Variants in COG5 observed in about 807,000 individuals in gnomAD.
COG5 encodes the protein conserved oligomeric Golgi complex subunit 5.
Under a neutral mutation model 110.4 loss-of-function variants are expected in COG5, and 86 were observed. That is an observed-to-expected ratio of 0.78 (90% CI 0.65 to 0.93). COG5 has a LOEUF of 0.93. COG5 is among the 40% of genes least tolerant of loss of function. COG5 has a pLI of 0.00. For synonymous variants in COG5, 360 were observed against 334.6 expected, an observed-to-expected ratio of 1.08 and a Z score of -0.83; for missense variants, 1,077 against 987.0, an observed-to-expected ratio of 1.09 and a Z score of -1.22.
At chr7:107,490,265 A>G (rs1312410113) in intron 6 of COG5, among the ~76,000 whole-genome samples, 1 of 152,114 alleles carries the variant, frequency 6.6e-6, no homozygotes, top group South Asian at 2.1e-4. Context: ...CTTGAGCTCA[A>G]GAGAGCCTCC....
At chr7:107,434,339 A>T (rs1221974496) in intron 6 of COG5, among the ~76,000 whole-genome samples, 1 of 152,226 alleles carries the variant, frequency 6.6e-6, no homozygotes, top group Admixed American at 6.5e-5. Context: ...AAAAAAATGG[A>T]AAACAAGATC....
chr7:107,249,388 T>C (rs904186511), intron 16 of COG5, among the ~76,000 whole-genome samples: 2 of 152,140 alleles, frequency 1.3e-5, no homozygotes, highest in Non-Finnish European at 2.9e-5. Flanking sequence ...AAAATGTTGA[T>C]AGTGCCATGG....
At chr7:107,554,190 A>C (rs1272933000) in intron 3 of COG5, 95 bp downstream of exon 3, 1 of 1,045,654 alleles carries the variant, frequency 9.6e-7, no homozygotes, top group Non-Finnish European at 1.5e-6. Flanking sequence ...TATGGCTGGC[A>C]AAGTCTAAAA....
intron 11 of COG5, among the ~76,000 whole-genome samples, chr7:107,308,851 T>G (rs1807959033): frequency 2.6e-5 from 4 of 151,244 alleles, no homozygotes; most frequent in Admixed American, 2.0e-4. Context: ...CCATCTTTGG[T>G]AGATGGTCTA....
At chr7:107,520,871 A>G (rs1026138462) in intron 6 of COG5, among the ~76,000 whole-genome samples, 2 of 152,228 alleles carry the variant, frequency 1.3e-5, no homozygotes, top group African/African-American at 4.8e-5. Context: ...AACTGGAGGC[A>G]TCATGAGATC....
chr7:107,353,918 C>T (rs1396073388), intron 10 of COG5, among the ~76,000 whole-genome samples: 1 of 152,130 alleles, frequency 6.6e-6, no homozygotes, highest in Non-Finnish European at 1.5e-5. Flanking sequence ...CACTAATCTA[C>T]ACAGTTGTCT....
chr7:107,336,977 A>G (rs1223001127), intron 10 of COG5, among the ~76,000 whole-genome samples: 1 of 152,184 alleles, frequency 6.6e-6, no homozygotes, highest in African/African-American at 2.4e-5. Context: ...CCCATTAAAA[A>G]GTGGGCAAAG....
chr7:107,421,379 C>G (rs750808775), intron 6 of COG5, among the ~76,000 whole-genome samples: 1 of 152,134 alleles, frequency 6.6e-6, no homozygotes, highest in Non-Finnish European at 1.5e-5. Flanking sequence ...ACAGAGCACT[C>G]CACCAAGCAA....
chr7:107,413,317 TTCA>T (rs1225873444), intron 6 of COG5, among the ~76,000 whole-genome samples: 2 of 151,922 alleles, frequency 1.3e-5, no homozygotes, highest in African/African-American at 4.8e-5. Context: ...AAAAGTGGCC[TTCA>T]TCATATTATA....
At chr7:107,546,258 CA>C (rs1366177507) in intron 5 of COG5, among the ~76,000 whole-genome samples, 2 of 151,892 alleles carry the variant, frequency 1.3e-5, no homozygotes, top group Non-Finnish European at 1.5e-5. Flanking sequence ...ATGTCTACAT[CA>C]AAAAAGATTT....
At chr7:107,550,826 A>G (rs1335355398) in intron 3 of COG5, among the ~76,000 whole-genome samples, 1 of 147,252 alleles carries the variant, frequency 6.8e-6, no homozygotes, top group East Asian at 2.1e-4. Flanking sequence ...ATGCCTCAGC[A>G]TTCCAAGTAG....
At chr7:107,416,224 AC>A (rs1380307709) in intron 6 of COG5, among the ~76,000 whole-genome samples, 4 of 152,070 alleles carry the variant, frequency 2.6e-5, no homozygotes, top group African/African-American at 9.6e-5. Context: ...ACTGTTAAAA[AC>A]AAAGCTGAAA....
At chr7:107,458,045 T>C (rs957386431) in intron 6 of COG5, among the ~76,000 whole-genome samples, 1 of 152,076 alleles carries the variant, frequency 6.6e-6, no homozygotes, top group African/African-American at 2.4e-5. Context: ...AAGATAAGAA[T>C]GATCACAGAC....
At chr7:107,414,958 C>T (rs60915862) in intron 6 of COG5, among the ~76,000 whole-genome samples, 3,601 of 151,852 alleles carry the variant, frequency 0.024, 146 homozygotes, top group African/African-American at 0.081. Flanking sequence ...GATCTCCTGA[C>T]CTTGTGATCC....
intron 6 of COG5, among the ~76,000 whole-genome samples, chr7:107,511,597 G>C (rs1020935540): frequency 6.6e-6 from 1 of 152,174 alleles, no homozygotes; most frequent in Non-Finnish European, 1.5e-5. Context: ...AACAAAAAAA[G>C]AGAGTTTTAG....
chr7:107,398,786 A>G (rs1791207135), intron 7 of COG5, among the ~76,000 whole-genome samples: 1 of 152,244 alleles, frequency 6.6e-6, no homozygotes, highest in Non-Finnish European at 1.5e-5. Context: ...TATCAAAATT[A>G]GTAATTGCCT....
intron 16 of COG5, among the ~76,000 whole-genome samples, chr7:107,250,435 T>TA (rs1010507008): frequency 1.1e-4 from 16 of 148,564 alleles, no homozygotes; most frequent in Non-Finnish European, 2.2e-4. Context: ...AACATGCTTA[T>TA]AAAAAAAGGT....
At chr7:107,409,770 G>A (rs1792139898) in intron 7 of COG5, among the ~76,000 whole-genome samples, 1 of 152,166 alleles carries the variant, frequency 6.6e-6, no homozygotes, top group Non-Finnish European at 1.5e-5. Flanking sequence ...CCTTAAGAAT[G>A]AACTTTGCAT....
At position 107,201,572 on chromosome 7, in the gene COG5, TTAA is replaced by T. The variant is rs1157775438; in HGVS notation, c.*1941_*1943del. 1.3e-5 allele frequency: 6 copies of T among 476,976 alleles called. No homozygotes were observed. The highest frequency in any genetic ancestry group is 4.0e-5 in the African/African-American group (2 of 50,148). 29.5% of individuals were successfully genotyped at this position (476,976 alleles called of 1,614,324 possible). ...TGATAGCATTGAGTCTTGAAATGAT[TTAA>T]TAATATGAGTGAGGATTTGCTTTCT... On this transcript the variant is annotated 3_prime_UTR_variant, in exon 22 of 22. Transcript: ENST00000297135.
Sources: gnomAD v4.1 joint callset for allele counts (sites outside exome capture counted in the v4.1 genomes callset) on GRCh38, gnomAD v4.1.1 for gene constraint, MANE v1.5 for transcripts, NCBI Gene and HGNC (gene_info 2026-07-23, HGNC 2026-07-21) for gene names.